ZNF407: variants seen among roughly 807,000 people sequenced by gnomAD.
The protein encoded by ZNF407 is zinc finger protein 407.
A neutral mutation model predicts 131.2 loss-of-function variants in ZNF407; 17 were observed. That is an observed-to-expected ratio of 0.13 (90% CI 0.09 to 0.19). The LOEUF is 0.19. Among genes scored for constraint, ZNF407 ranks in the 10% least tolerant of loss-of-function variants. The pLI is 1.00. For synonymous variants in ZNF407, 1,156 were observed against 1,062.0 expected, an observed-to-expected ratio of 1.09 and a Z score of -1.72; for missense variants, 2,681 against 2,830.6, an observed-to-expected ratio of 0.95 and a Z score of 1.20.
chr18:74,929,386 A>G (rs1971955249), intron 8 of ZNF407, among the ~76,000 whole-genome samples: 1 of 152,010 alleles, frequency 6.6e-6, no homozygotes, highest in Non-Finnish European at 1.5e-5. Flanking sequence ...AAGTTAAAAC[A>G]GTTAAAAAAA....
chr18:74,987,168 G>C (rs954473197), intron 8 of ZNF407, among the ~76,000 whole-genome samples: 1 of 151,952 alleles, frequency 6.6e-6, no homozygotes, highest in Non-Finnish European at 1.5e-5. Context: ...AGTGCATTGA[G>C]CACTGGAAAG....
intron 3 of ZNF407, among the ~76,000 whole-genome samples, chr18:74,702,671 AG>A (rs550295127): frequency 1.2e-3 from 189 of 152,298 alleles, no homozygotes; most frequent in African/African-American, 4.4e-3. Context: ...TTTATCAATC[AG>A]AAGCAGCATA....
chr18:75,035,478 G>A (rs1301715263), intron 8 of ZNF407, among the ~76,000 whole-genome samples: 2 of 152,190 alleles, frequency 1.3e-5, no homozygotes, highest in African/African-American at 4.8e-5. Flanking sequence ...AATGGAATAG[G>A]TAGATACCAA....
At chr18:74,675,746 C>T (rs550935428) in intron 3 of ZNF407, among the ~76,000 whole-genome samples, 22 of 152,036 alleles carry the variant, frequency 1.4e-4, no homozygotes, top group Non-Finnish European at 2.8e-4. Context: ...TTGACTTATC[C>T]ATGTTTAATA....
intron 3 of ZNF407, among the ~76,000 whole-genome samples, chr18:74,676,655 C>T (rs752727898): frequency 1.4e-4 from 21 of 151,860 alleles, no homozygotes; most frequent in South Asian, 6.3e-4. Context: ...AGGATGGTCT[C>T]GATCTCCTGA....
Position 74,781,423 on chromosome 18 carries a change from T to C in ZNF407, c.4803-5T>C. On this transcript the variant is annotated splice_polypyrimidine_tract_variant and splice_region_variant and intron_variant, in intron 3 of 8. Coordinates refer to ENST00000299687, the MANE Select transcript of ZNF407 (RefSeq NM_017757.3). ...GTTTTATAATTACTTTTGTTTATTTTTTAGGGTTGCTTTTGTAATGAAGAA... is the reference window on the plus strand; with the variant it reads ...GTTTTATAATTACTTTTGTTTATTTCTTAGGGTTGCTTTTGTAATGAAGAA... 2.6e-6 allele frequency: 4 copies of C among 1,535,690 alleles called. No individual in the cohort carries two copies. The highest frequency in any genetic ancestry group is 3.5e-6 in the Non-Finnish European group (4 of 1,139,612).
chr18:74,632,681 G>A lies in ZNF407; in HGVS notation c.1662G>A (p.Glu554=). ...EIHVKRCHAR[E]MKFYCRTCDF... ...ATGTGAAAAGGTGCCATGCCAGAGA[G>A]ATGAAATTTTACTGCCGTACTTGTG... Residue 554 remains glutamate (E), a synonymous_variant, in exon 2 of 9, where the codon GAG becomes GAA. Transcript: ENST00000299687. The A allele has an allele frequency of 6.2e-7, 1 of 1,614,052 alleles. No individual in the cohort carries two copies.
intron 4 of ZNF407, among the ~76,000 whole-genome samples, chr18:74,854,918 A>C (rs184725529): frequency 1.3e-5 from 2 of 152,322 alleles, no homozygotes. Flanking sequence ...TAGATTATTG[A>C]AACCTAGTAC....
chr18:74,816,844 C>T (rs1970273983), intron 4 of ZNF407, among the ~76,000 whole-genome samples: 1 of 152,070 alleles, frequency 6.6e-6, no homozygotes, highest in South Asian at 2.1e-4. Flanking sequence ...AATTTATGTA[C>T]TAGATAATAA....
chr18:74,811,719 T>C (rs987783505), intron 4 of ZNF407, among the ~76,000 whole-genome samples: 11 of 151,978 alleles, frequency 7.2e-5, no homozygotes, highest in African/African-American at 2.7e-4. Flanking sequence ...TTCATGTCCT[T>C]TGTAGGGACA....
intron 4 of ZNF407, among the ~76,000 whole-genome samples, chr18:74,871,379 T>A (rs1054936794): frequency 6.6e-6 from 1 of 152,204 alleles, no homozygotes; most frequent in Non-Finnish European, 1.5e-5. Context: ...GAATTGGAAG[T>A]CTTTGAGCAA....
At chr18:74,711,176 T>A (rs1389048855) in intron 3 of ZNF407, among the ~76,000 whole-genome samples, 1 of 152,204 alleles carries the variant, frequency 6.6e-6, no homozygotes, top group Non-Finnish European at 1.5e-5. Context: ...TAGATTTTAA[T>A]TGGTGTCCAG....
At position 74,670,955 on chromosome 18, in the gene ZNF407, C is replaced by T. The variant is rs137945666; in HGVS notation, c.4802+29833C>T. ...TGCTGGGATTACAGGCGTGAGCCAC[C>T]GCTGTGAGCCCATCTTGACCATTTT... is the stretch of plus-strand genomic sequence containing the variant. On this transcript the variant is annotated intron_variant, in intron 3 of 8. Coordinates refer to ENST00000299687, the MANE Select transcript of ZNF407 (RefSeq NM_017757.3). Among the ~76,000 whole-genome samples, 414 of 152,324 alleles carry T rather than the reference C, an allele frequency of 2.7e-3. 2 individuals are homozygous for T. Among genetic ancestry groups the T allele is most frequent in the African/African-American group, 9.3e-3 (385 of 41,564 alleles).
intron 3 of ZNF407, among the ~76,000 whole-genome samples, chr18:74,672,445 C>T (rs113547044): frequency 6.9e-5 from 10 of 144,878 alleles, no homozygotes; most frequent in Non-Finnish European, 1.4e-4. Context: ...CACTGTTTGT[C>T]TGTTCATTGG....
At chr18:74,659,969 CAA>C (rs1985642960) in intron 3 of ZNF407, among the ~76,000 whole-genome samples, 1 of 152,036 alleles carries the variant, frequency 6.6e-6, no homozygotes. Context: ...CCGGGCAAAA[CAA>C]TGATGCTTTG....
At chr18:74,755,885 C>CTTTTTTTTTTTTTTTT (rs34750560) in intron 3 of ZNF407, among the ~76,000 whole-genome samples, 2 of 25,822 alleles carry the variant, frequency 7.7e-5, no homozygotes, top group African/African-American at 2.0e-4. Flanking sequence ...CTTTTCCTTC[C>CTTTTTTTTTTTTTTTT]TTTTTTTTTT....
In ZNF407 at chr18:74,634,190, T is replaced by A; in HGVS notation, c.3171T>A (p.Thr1057=). 6.2e-7 allele frequency: 1 copy of A among 1,614,032 alleles called. No homozygotes were observed. Among genetic ancestry groups the A allele is most frequent in the South Asian group, 1.1e-5 (1 of 91,086 alleles). Residue 1057 remains threonine, a synonymous_variant, in exon 2 of 9, where the codon ACT becomes ACA. Coordinates refer to ENST00000299687, the MANE Select transcript of ZNF407 (RefSeq NM_017757.3). ...TGGCATGCGATTACTACGCGGTGACTCGTCGCGAGATGACCAGGCATGCAG... is the reference window on the plus strand; with the variant it reads ...TGGCATGCGATTACTACGCGGTGACACGTCGCGAGATGACCAGGCATGCAG... ...YCMACDYYAV[T]RREMTRHAAT...
intron 4 of ZNF407, among the ~76,000 whole-genome samples, chr18:74,863,375 A>T (rs573075210): frequency 1.3e-5 from 2 of 152,062 alleles, no homozygotes; most frequent in East Asian, 3.9e-4. Context: ...AATATTAGAA[A>T]TTTGGGGAGA....
chr18:74,990,979 T>G (rs1599282180), intron 8 of ZNF407, among the ~76,000 whole-genome samples: 1 of 151,912 alleles, frequency 6.6e-6, no homozygotes, highest in East Asian at 1.9e-4. Flanking sequence ...TGAGCTGCCA[T>G]TCAACAAAGA....
Sources: allele counts gnomAD v4.1 joint callset (sites outside exome capture counted in the v4.1 genomes callset), GRCh38; gene constraint gnomAD v4.1.1; transcripts MANE v1.5; gene names NCBI Gene and HGNC (gene_info 2026-07-23, HGNC 2026-07-21).